STAT5A: variants seen among roughly 807,000 people sequenced by gnomAD.
The protein encoded by STAT5A is epididymis secretory sperm binding protein.
In STAT5A, 26 loss-of-function variants were observed where a neutral mutation model predicts 100.2. The observed-to-expected ratio is 0.26, with a 90% CI of 0.19 to 0.36. STAT5A has a LOEUF of 0.36. Among genes scored for constraint, STAT5A ranks in the 10% least tolerant of loss-of-function variants. The pLI is 1.00. For missense variants in STAT5A, 634 were observed against 1,027.5 expected, an observed-to-expected ratio of 0.62 and a Z score of 5.24; for synonymous variants, 330 against 424.3, an observed-to-expected ratio of 0.78 and a Z score of 2.73.
At chr17:42,298,448 A>G (rs1001027356) in intron 5 of STAT5A, among the ~76,000 whole-genome samples, 2 of 146,562 alleles carry the variant, frequency 1.4e-5, no homozygotes, top group African/African-American at 2.5e-5. Flanking sequence ...GGCGTAAGCC[A>G]CCGAGCCTGG....
At chr17:42,289,642 T>A in intron 2 of STAT5A, 103 bp downstream of exon 2, 1 of 1,492,200 alleles carries the variant, frequency 6.7e-7, no homozygotes, top group Non-Finnish European at 8.9e-7. Flanking sequence ...TGGTCCTGCC[T>A]GTCCTTCTTT....
At chr17:42,291,256 G>A (rs1041550384) in intron 3 of STAT5A, among the ~76,000 whole-genome samples, 2 of 152,206 alleles carry the variant, frequency 1.3e-5, no homozygotes, top group Non-Finnish European at 2.9e-5. Flanking sequence ...GCTGTAATGC[G>A]AGCAATAGGC....
chr17:42,306,023 A>G, intron 12 of STAT5A: 1 of 756,492 alleles, frequency 1.3e-6, no homozygotes, highest in Non-Finnish European at 2.1e-6. Context: ...CTGTCCCTGC[A>G]TGCCCCCACC....
chr17:42,304,289 C>T lies in STAT5A; in HGVS notation c.1170-53C>T. The T allele has an allele frequency of 1.9e-6, 3 of 1,583,382 alleles. No homozygotes were observed. The highest frequency in any genetic ancestry group is 8.7e-7 in the Non-Finnish European group (1 of 1,153,952). On this transcript the variant is annotated intron_variant, in intron 9 of 18. Transcript: ENST00000590949. The surrounding 1 kb of genome is among the most constrained non-coding windows in gnomAD (Gnocchi z 4.8). ...CCCCAGCCCGAGGTGTGGACAGGACCATGCTCCTGGCCTGGGGCCCATGTG... is the reference window on the plus strand; with the variant it reads ...CCCCAGCCCGAGGTGTGGACAGGACTATGCTCCTGGCCTGGGGCCCATGTG...
rs1461642775 is a variant in STAT5A at position 42,309,107 on chromosome 17, C to T, written c.2114+9C>T. 1 of 1,613,852 alleles carries T rather than the reference C, an allele frequency of 6.2e-7. No homozygotes were observed. Among genetic ancestry groups the T allele is most frequent in the Non-Finnish European group, 8.5e-7 (1 of 1,180,016 alleles). On this transcript the variant is annotated intron_variant, in intron 17 of 18. Transcript: ENST00000590949. The stretch of plus-strand genomic sequence containing the variant: ...AAGCAAGTGGTCCCTGAGTAAGTGT[C>T]CAGGTGGCTGTGGCTCTCCTTCTGC...
intron 5 of STAT5A, among the ~76,000 whole-genome samples, chr17:42,298,997 T>A (rs577309934): frequency 6.6e-6 from 1 of 151,990 alleles, no homozygotes; most frequent in African/African-American, 2.4e-5. Flanking sequence ...GTTGGTCGGC[T>A]GGGCTCACAG....
intron 17 of STAT5A, 84 bp from the exon 18 acceptor site, chr17:42,309,291 AAG>A: frequency 6.4e-7 from 1 of 1,552,732 alleles, no homozygotes; most frequent in South Asian, 1.1e-5. Flanking sequence ...CACCCCGAGA[AAG>A]ACAAACATGC....
chr17:42,295,687 T>A lies in STAT5A; in HGVS notation c.444T>A (p.Phe148Leu), dbSNP rs2080912117. ...AGCACCTTCAGATCAACCAGACATT[T>A]GAGGAGCTGCGACTGGTCACGCAGG... is the stretch of plus-strand genomic sequence containing the variant. ...SQKHLQINQTFEELRLVTQDT... is the reference protein window; with the variant it reads ...SQKHLQINQTLEELRLVTQDT... Residue 148 changes from phenylalanine (F) to leucine (L), a missense_variant, in exon 5 of 19, where the codon TTT becomes TTA. This residue lies in a region of STAT5A where 207 missense variants were observed against 256.6 expected (regional missense o/e 0.81). Transcript: ENST00000590949. 1.2e-6 allele frequency: 2 copies of A among 1,613,976 alleles called. No individual in the cohort carries two copies. The highest frequency in any genetic ancestry group is 4.5e-5 in the East Asian group (2 of 44,888).
At position 42,299,260 on chromosome 17, in the gene STAT5A, C is replaced by A. The variant is rs567935920; in HGVS notation, c.551-491C>A. Among the ~76,000 whole-genome samples, 14 of 152,328 alleles carry A rather than the reference C, an allele frequency of 9.2e-5. No individual in the cohort carries two copies. In the East Asian group the frequency reaches 2.7e-3, roughly 29 times the overall value. ...TCACCCATGTCAGGCAGCTTTCTGG[C>A]ATCTTCCATGTCCTCATGTATTTAA... On this transcript the variant is annotated intron_variant, in intron 5 of 18. Transcript: ENST00000590949.
Position 42,308,231 on chromosome 17 carries a change from A to C in STAT5A, c.1960A>C (p.Arg654=). ...ATTCACCACGCGGGATTTCTCCATC[A>C]GGTCCCTGGCTGACCGGCTGGGGGA... ...KPFTTRDFSI[R]SLADRLGDLS... is the part of the protein sequence containing the mutation. Residue 654 remains arginine (R), a synonymous_variant, in exon 16 of 19, where the codon AGG becomes CGG. Coordinates refer to ENST00000590949, the MANE Select transcript of STAT5A (RefSeq NM_001288718.2). The surrounding 1 kb of genome is among the most constrained non-coding windows in gnomAD (Gnocchi z 4.6). 1 of 1,614,222 alleles carries C rather than the reference A, an allele frequency of 6.2e-7. No homozygotes were observed. The highest frequency in any genetic ancestry group is 1.1e-5 in the South Asian group (1 of 91,086).
Position 42,310,620 on chromosome 17 carries a change from T to C in STAT5A, c.2336T>C (p.Leu779Pro). 1 of 1,614,202 alleles carries C rather than the reference T, an allele frequency of 6.2e-7. No individual in the cohort carries two copies. The highest frequency in any genetic ancestry group is 2.2e-5 in the East Asian group (1 of 44,882). The change falls in exon 19 of 19, where the codon CTC (leucine) becomes CCC (proline). Residue 779 changes from leucine to proline, a missense_variant. Physicochemically the swap from Leu to Pro is moderately conservative, Grantham distance 98 (BLOSUM62 -3). Around this residue, in one of 5 missense-constraint regions of STAT5A, gnomAD observed 88 missense variants for 95.1 expected, o/e 0.92. Coordinates refer to ENST00000590949, the MANE Select transcript of STAT5A (RefSeq NM_001288718.2). ...CCAATGGACAGTCTTGACTCCCGCCTCTCGCCCCCTGCCGGTCTTTTCACC... is the reference window on the plus strand; with the variant it reads ...CCAATGGACAGTCTTGACTCCCGCCCCTCGCCCCCTGCCGGTCTTTTCACC... Reference protein sequence around the residue: ...RRPMDSLDSRLSPPAGLFTSA... With the variant: ...RRPMDSLDSRPSPPAGLFTSA...
At chr17:42,307,194 G>A (rs951928538) in intron 13 of STAT5A, among the ~76,000 whole-genome samples, 1 of 152,164 alleles carries the variant, frequency 6.6e-6, no homozygotes, top group African/African-American at 2.4e-5. Context: ...GGCTGGTCTT[G>A]GACCCCTGTG....
At chr17:42,297,240 A>T (rs2080927659) in intron 5 of STAT5A, among the ~76,000 whole-genome samples, 2 of 152,136 alleles carry the variant, frequency 1.3e-5, no homozygotes, top group Admixed American at 1.3e-4. Flanking sequence ...CCCAGCCAAT[A>T]CTGACAGGAT....
chr17:42,307,689 CG>C lies in STAT5A; in HGVS notation c.1877del (p.Gly626AlafsTer18). 6.2e-7 allele frequency: 1 copy of C among 1,614,048 alleles called. No individual in the cohort carries two copies. ...TGTTGCGCTTTAGTGACTCAGAAATCGGGGGCATCACCATCGCCTGGAAGTT... is the reference window on the plus strand; with the variant it reads ...TGTTGCGCTTTAGTGACTCAGAAATCGGGGCATCACCATCGCCTGGAAGTT... ...FLLRFSDSEI[G>X]GITIAWKFDS... On this transcript the variant is annotated frameshift_variant, in exon 15 of 19. Coordinates refer to ENST00000590949, the MANE Select transcript of STAT5A (RefSeq NM_001288718.2). LOFTEE classifies it high-confidence loss of function.
At chr17:42,293,348 G>A (rs1179783876) in intron 4 of STAT5A, among the ~76,000 whole-genome samples, 2 of 152,114 alleles carry the variant, frequency 1.3e-5, no homozygotes, top group Admixed American at 1.3e-4. Context: ...AGGATTACAG[G>A]GGCCCACCAC....
Position 42,308,647 on chromosome 17 carries a change from G to A in STAT5A, c.2062+314G>A. On this transcript the variant is annotated intron_variant, in intron 16 of 18. Coordinates refer to ENST00000590949, the MANE Select transcript of STAT5A (RefSeq NM_001288718.2). The surrounding 1 kb of genome is among the most constrained non-coding windows in gnomAD (Gnocchi z 4.6). ...CATTCGAGCCCACAGATAGTGCTCC[G>A]CTCCCCACCTCACCAGCTGCTCTCC... 1.4e-5 allele frequency: 7 copies of A among 493,574 alleles called. No individual in the cohort carries two copies. Among genetic ancestry groups the A allele is most frequent in the South Asian group, 2.3e-5 (1 of 44,322 alleles). The allele number at this position is 493,574 out of a possible 1,614,324, so 30.6% of individuals were successfully genotyped here.
At chr17:42,309,842 G>A (rs555021802) in intron 18 of STAT5A, among the ~76,000 whole-genome samples, 1 of 152,350 alleles carries the variant, frequency 6.6e-6, no homozygotes, top group African/African-American at 2.4e-5. Context: ...TTGATACAGG[G>A]TAGCTATGAA....
chr17:42,305,079 A>G (rs191041661), intron 11 of STAT5A, among the ~76,000 whole-genome samples: 2 of 152,310 alleles, frequency 1.3e-5, no homozygotes, highest in Admixed American at 1.3e-4. Flanking sequence ...CTGCACCTGT[A>G]GTCCCAGCTA....
rs372677304 is a variant in STAT5A, at chr17:42,308,331, T to G, written c.2060T>G (p.Leu687Arg). 1.2e-6 allele frequency: 2 copies of G among 1,614,064 alleles called. No homozygotes were observed. Among genetic ancestry groups the G allele is most frequent in the Non-Finnish European group, 1.7e-6 (2 of 1,180,034 alleles). The change falls in exon 16 of 19, where the codon CTG (leucine) becomes CGG (arginine). Residue 687 changes from leucine (L) to arginine (R), a missense_variant and splice_region_variant. Physicochemically the swap from Leu to Arg is moderately radical, Grantham distance 102. Transcript: ENST00000590949. This position sits in a 1 kb window ranked among gnomAD's most constrained non-coding sequence, Gnocchi z 4.6. ...EVFSKYYTPV[L>R]AKAVDGYVKP... ...TTCTCCAAGTACTACACTCCTGTGC[T>G]GGGTGGGTACTGCCCCAGGACCCTG...
Sources: gnomAD v4.1 joint callset for allele counts (sites outside exome capture counted in the v4.1 genomes callset) on GRCh38, gnomAD v4.1.1 for gene constraint, gnomAD v4.1.1 regional missense constraint, Gnocchi (gnomAD v3.1) non-coding constraint, MANE v1.5 for transcripts, NCBI Gene and HGNC (gene_info 2026-07-23, HGNC 2026-07-21) for gene names.